The following SLC23A2 variants were observed in gnomAD, a reference collection of about 807,000 sequenced individuals.
SLC23A2 encodes solute carrier family 23 member 2, also known as Na(+)/L-ascorbic acid transporter 2.
A neutral mutation model predicts 73.3 loss-of-function variants in SLC23A2; 36 were observed. The observed-to-expected ratio is 0.49, with a 90% CI of 0.38 to 0.65. The LOEUF (loss-of-function observed/expected upper bound fraction) is 0.65, where lower values mean the gene tolerates loss of function less well. SLC23A2 is among the 30% of genes least tolerant of loss of function. The probability of loss-of-function intolerance (pLI) is 0.00; values close to 1 mark genes in which losing one functional copy is unlikely to be tolerated. For synonymous variants in SLC23A2, 343 were observed against 327.3 expected (o/e 1.05, Z -0.52); for missense variants, 507 against 841.6 (o/e 0.60, Z 4.92).
chr20:4,979,541 CA>C (rs199582407), intron 1 of SLC23A2, among the ~76,000 whole-genome samples: 2,641 of 148,624 alleles, frequency 0.018, 68 homozygotes, highest in African/African-American at 0.055. Context: ...CCTGTCTCTA[CA>C]AAAAAAAATG....
At chr20:4,878,152 G>A (rs896352179) in intron 9 of SLC23A2, among the ~76,000 whole-genome samples, 3 of 152,066 alleles carry the variant, frequency 2.0e-5, no homozygotes, top group Non-Finnish European at 4.4e-5. Flanking sequence ...ACGAGTTAGG[G>A]ATGTTAGCCT....
At chr20:4,984,778 A>G (rs1418604035) in intron 1 of SLC23A2, among the ~76,000 whole-genome samples, 1 of 152,092 alleles carries the variant, frequency 6.6e-6, no homozygotes, top group East Asian at 1.9e-4. Context: ...ACACAGAGAA[A>G]TTGGAACCCT....
upstream of SLC23A2, among the ~76,000 whole-genome samples, chr20:5,006,215 A>G (rs922715661): frequency 1.3e-5 from 2 of 151,218 alleles, no homozygotes; most frequent in Non-Finnish European, 2.9e-5. Flanking sequence ...CTCCTGCCTC[A>G]GCCTCCCGAG....
intron 1 of SLC23A2, among the ~76,000 whole-genome samples, chr20:5,008,332 C>T (rs530389115): frequency 1.3e-3 from 198 of 152,208 alleles, no homozygotes; most frequent in African/African-American, 4.2e-3. Flanking sequence ...AAAAAGAGAG[C>T]GTTTAAATGC....
At position 5,008,951 on chromosome 20, in the gene SLC23A2, A is replaced by G. The variant is rs1275690134; in HGVS notation, c.-282+1231T>C. On this transcript the variant is annotated intron_variant, in intron 1 of 16. Transcript: ENST00000379333. ...CTCAGCTCAGCTTCTCAAAAAAGCC[A>G]CGTACAGTATTTATTTCCTCCTCCT... 2.0e-5 allele frequency among the ~76,000 whole-genome samples: 3 copies of G among 152,008 alleles called. No individual in the cohort carries two copies. The East Asian group carries it at 5.8e-4, about 29-fold the overall frequency.
Position 4,883,916 on chromosome 20 carries a change from G to A in SLC23A2, c.643-93C>T, listed in dbSNP as rs1930992873. The A allele has an allele frequency of 1.5e-5, 14 of 932,068 alleles. No individual in the cohort carries two copies. Among genetic ancestry groups the A allele is most frequent in the Non-Finnish European group, 2.1e-5 (13 of 632,300 alleles). The allele number at this position is 932,068 out of a possible 1,614,324, so 57.7% of individuals were successfully genotyped here. On this transcript the variant is annotated intron_variant, in intron 8 of 16. Transcript: ENST00000338244. The surrounding 1 kb of genome is among the most constrained non-coding windows in gnomAD (Gnocchi z 4.5). ...ACAACCACAACTGATAATTCTGCAA[G>A]GCAATAAGTTATTACATCATCTAAC...
intron 1 of SLC23A2, among the ~76,000 whole-genome samples, chr20:4,995,747 C>T (rs1306406214): frequency 3.3e-5 from 5 of 152,088 alleles, no homozygotes; most frequent in Non-Finnish European, 7.4e-5. Flanking sequence ...GCGCTAAGAC[C>T]CTAGGCAAGA....
chr20:5,008,581 G>T (rs1392570706), intron 1 of SLC23A2, among the ~76,000 whole-genome samples: 2 of 151,986 alleles, frequency 1.3e-5, no homozygotes, highest in East Asian at 1.9e-4. Flanking sequence ...AAATAACCTT[G>T]CTTCCTGATT....
At chr20:4,933,062 G>A (rs1776978) in intron 2 of SLC23A2, among the ~76,000 whole-genome samples, 13,698 of 152,188 alleles carry the variant, frequency 0.09, 750 homozygotes, top group African/African-American at 0.15. Flanking sequence ...TGAGGGAGAT[G>A]TTATATATCT....
chr20:4,934,019 T>C (rs556683345), intron 2 of SLC23A2, among the ~76,000 whole-genome samples: 1 of 152,328 alleles, frequency 6.6e-6, no homozygotes, highest in South Asian at 2.1e-4. Flanking sequence ...ACACAAATTT[T>C]AGAGTTCAGA....
rs577545894 is a variant in SLC23A2, at chr20:4,951,934, C to T, written c.-155+18859G>A. Among the ~76,000 whole-genome samples the T allele has an allele frequency of 7.9e-5, 12 of 151,868 alleles. No homozygotes were observed. The South Asian group carries it at 2.5e-3, about 32-fold the overall frequency. On this transcript the variant is annotated intron_variant, in intron 2 of 16. Coordinates refer to ENST00000338244, the MANE Select transcript of SLC23A2 (RefSeq NM_005116.6). ...CCTGGCCAACACAGTGAAATCCCAT[C>T]TCTACTAAACATACAAAAATTAGCT...
intron 2 of SLC23A2, among the ~76,000 whole-genome samples, chr20:4,964,255 A>G (rs1223398012): frequency 6.6e-6 from 1 of 152,148 alleles, no homozygotes; most frequent in East Asian, 1.9e-4. Flanking sequence ...TCAGCCTCCC[A>G]AAGTGCTGGG....
intron 1 of SLC23A2, among the ~76,000 whole-genome samples, chr20:4,971,649 T>C (rs201341095): frequency 0.012 from 1,806 of 148,938 alleles, 31 homozygotes; most frequent in East Asian, 0.049. Context: ...TATCTCGTCG[T>C]GGTGGCACAC....
chr20:4,996,413 C>A (rs2423081), intron 1 of SLC23A2, among the ~76,000 whole-genome samples: 7,088 of 152,072 alleles, frequency 0.047, 201 homozygotes, highest in Non-Finnish European at 0.067. Context: ...GTGGGCCAGG[C>A]ACGGTGGCTC....
At chr20:4,928,485 G>C (rs1932744524) in intron 3 of SLC23A2, among the ~76,000 whole-genome samples, 1 of 152,078 alleles carries the variant, frequency 6.6e-6, no homozygotes, top group African/African-American at 2.4e-5. Context: ...TGGGAGTTCA[G>C]ACTAAGGTTC....
chr20:4,987,704 C>G, intron 1 of SLC23A2, among the ~76,000 whole-genome samples: 1 of 151,952 alleles, frequency 6.6e-6, no homozygotes, highest in East Asian at 1.9e-4. Flanking sequence ...AAAAATTAGC[C>G]GGGCGTGGTA....
At chr20:4,893,642 T>C (rs1931411642) in intron 6 of SLC23A2, among the ~76,000 whole-genome samples, 1 of 152,154 alleles carries the variant, frequency 6.6e-6, no homozygotes, top group Admixed American at 6.5e-5. Context: ...AGAGGAACTC[T>C]CTCTCCTTAG....
intron 1 of SLC23A2, among the ~76,000 whole-genome samples, chr20:4,974,088 A>G (rs1315871389): frequency 6.6e-6 from 1 of 152,222 alleles, no homozygotes; most frequent in Non-Finnish European, 1.5e-5. Context: ...GGCCAGTATC[A>G]TAACAGGCCA....
intron 9 of SLC23A2, among the ~76,000 whole-genome samples, 187 bp from the exon 10 acceptor site, chr20:4,874,883 T>C (rs989287848): frequency 5.3e-5 from 8 of 152,204 alleles, no homozygotes; most frequent in Admixed American, 4.6e-4. Flanking sequence ...GAAATACTAC[T>C]GTGGGGGAAG....
Sources: allele counts gnomAD v4.1 joint callset (sites outside exome capture counted in the v4.1 genomes callset), GRCh38; gene constraint gnomAD v4.1.1; non-coding constraint Gnocchi (gnomAD v3.1); transcripts MANE v1.5; gene names NCBI Gene and HGNC (gene_info 2026-07-23, HGNC 2026-07-21).